The following PHC3 variants were observed in gnomAD, a reference collection of about 807,000 sequenced individuals.
PHC3 encodes polyhomeotic-like protein 3.
PHC3 carries 13 observed loss-of-function variants against 107.4 expected under a neutral mutation model. The ratio of observed to expected loss-of-function variants is 0.12; its 90% CI spans 0.08 to 0.19. PHC3 has a LOEUF of 0.19. Among genes scored for constraint, PHC3 ranks in the 10% least tolerant of loss-of-function variants. PHC3 has a pLI of 1.00. For missense variants in PHC3, 992 were observed against 1,210.9 expected, an observed-to-expected ratio of 0.82 and a Z score of 2.68; for synonymous variants, 456 against 427.4, an observed-to-expected ratio of 1.07 and a Z score of -0.83.
At chr3:170,142,578 G>A (rs1281177097) in intron 6 of PHC3, among the ~76,000 whole-genome samples, 1 of 152,100 alleles carries the variant, frequency 6.6e-6, no homozygotes, top group Admixed American at 6.6e-5. Flanking sequence ...TTGGCAACTT[G>A]TCCAAGTCAT....
intron 2 of PHC3, among the ~76,000 whole-genome samples, chr3:170,173,355 A>C (rs536567668): frequency 2.0e-5 from 3 of 152,340 alleles, no homozygotes; most frequent in East Asian, 1.9e-4. Flanking sequence ...ATTTAAAAGA[A>C]TACTACTACT....
Position 170,127,234 on chromosome 3 carries a change from T to G in PHC3, c.1788+1450A>C, listed in dbSNP as rs145176513. Among the ~76,000 whole-genome samples, 1,356 of 152,340 alleles carry G rather than the reference T, an allele frequency of 8.9e-3. 17 individuals carry two copies. Among genetic ancestry groups the G allele is most frequent in the African/African-American group, 0.03 (1,260 of 41,580 alleles). On this transcript the variant is annotated intron_variant, in intron 8 of 14. Transcript: ENST00000495893. ...TCGCTCAGTTGCCCAGGCCGCAATC[T>G]CGGCCCACTGCACCCTCCACCTCCC...
chr3:170,104,193 A>T (rs1247684482), intron 12 of PHC3, among the ~76,000 whole-genome samples: 5 of 152,200 alleles, frequency 3.3e-5, no homozygotes, highest in East Asian at 1.9e-4. Flanking sequence ...TTCATGTATC[A>T]TGAAATATTA....
intron 4 of PHC3, among the ~76,000 whole-genome samples, chr3:170,165,433 A>G (rs964033959): frequency 6.6e-6 from 1 of 152,160 alleles, no homozygotes; most frequent in Non-Finnish European, 1.5e-5. Flanking sequence ...ATAGAAGCCA[A>G]TACCCAGATA....
rs142989652 is a variant in PHC3, at chr3:170,176,513, G to A, written c.180+2260C>T. Among the ~76,000 whole-genome samples the A allele has an allele frequency of 2.3e-3, 346 of 152,296 alleles. 1 individual carries two copies. The highest frequency in any genetic ancestry group is 7.7e-3 in the African/African-American group (322 of 41,554). The stretch of plus-strand genomic sequence containing the variant: ...TAAGGATTCTACCAGAAGAAAGCAG[G>A]TATAATAGAAAAAATAAGAATTCAC... On this transcript the variant is annotated intron_variant, in intron 2 of 14. Transcript: ENST00000495893.
chr3:170,099,329 T>C (rs1244686978), intron 14 of PHC3, among the ~76,000 whole-genome samples: 1 of 152,114 alleles, frequency 6.6e-6, no homozygotes, highest in African/African-American at 2.4e-5. Flanking sequence ...AGATCACAAC[T>C]TTCTTAAGCT....
chr3:170,175,012 T>TCAG (rs1577281156), intron 2 of PHC3, among the ~76,000 whole-genome samples: 2 of 152,346 alleles, frequency 1.3e-5, no homozygotes, highest in East Asian at 3.9e-4. Context: ...TTTTCTGTTG[T>TCAG]CAGCACAGTC....
intron 7 of PHC3, among the ~76,000 whole-genome samples, chr3:170,134,741 G>A (rs759114733): frequency 5.3e-5 from 8 of 152,042 alleles, no homozygotes; most frequent in Non-Finnish European, 7.4e-5. Context: ...ATCCAAAAAG[G>A]GATTAAAGAG....
intron 8 of PHC3, chr3:170,126,064 A>C (rs1346251463): frequency 2.1e-5 from 13 of 621,834 alleles, no homozygotes; most frequent in Non-Finnish European, 2.6e-5. Flanking sequence ...ACTTATATCC[A>C]AATGTCAACA....
chr3:170,138,157 T>C (rs1016165304), intron 6 of PHC3, among the ~76,000 whole-genome samples: 8 of 152,064 alleles, frequency 5.3e-5, no homozygotes, highest in Non-Finnish European at 1.2e-4. Flanking sequence ...ATTGCGCCAT[T>C]GCCCACAAGT....
intron 11 of PHC3, among the ~76,000 whole-genome samples, chr3:170,111,158 T>C (rs1370996746): frequency 1.3e-5 from 2 of 152,108 alleles, no homozygotes; most frequent in Non-Finnish European, 2.9e-5. Context: ...CAAAGAATTA[T>C]TATTTTGCTA....
chr3:170,131,622 TA>T (rs1722277011), intron 7 of PHC3, among the ~76,000 whole-genome samples: 1 of 152,128 alleles, frequency 6.6e-6, no homozygotes, highest in African/African-American at 2.4e-5. Context: ...TCACCTGAGG[TA>T]AGGAGTTCAA....
chr3:170,179,055 A>G, intron 1 of PHC3, 117 bp from the exon 2 acceptor site: 1 of 945,270 alleles, frequency 1.1e-6, no homozygotes, highest in South Asian at 1.6e-5. Flanking sequence ...GGCTCTCATA[A>G]AAGACAGCCA....
chr3:170,155,618 C>T (rs6799087), intron 4 of PHC3, among the ~76,000 whole-genome samples: 7 of 151,768 alleles, frequency 4.6e-5, no homozygotes, highest in African/African-American at 1.7e-4. Flanking sequence ...GCTACTCAGG[C>T]GGCTGAGCTG....
In PHC3 at chr3:170,149,161, T is replaced by C. The variant is rs1435828645; in HGVS notation, c.498A>G (p.Gln166=). The C allele has an allele frequency of 6.2e-7, 1 of 1,613,138 alleles. No individual in the cohort carries two copies. The highest frequency in any genetic ancestry group is 8.5e-7 in the Non-Finnish European group (1 of 1,179,698). Residue 166 remains glutamine (Q), a synonymous_variant, in exon 5 of 15, where the codon CAA becomes CAG. Transcript: ENST00000495893. The stretch of plus-strand genomic sequence containing the variant: ...AAGTACTCCCTAGTAACATAGTCTG[T>C]TGGGTAATACTGCCGCTGGTAGAAC... The part of the protein sequence containing the change: ...ASSSTSGSIT[Q]QTMLLGSTSP...
chr3:170,146,031 A>G (rs1475337705), intron 5 of PHC3, among the ~76,000 whole-genome samples: 1 of 152,236 alleles, frequency 6.6e-6, no homozygotes, highest in Non-Finnish European at 1.5e-5. Flanking sequence ...CAAAGGATCT[A>G]AAGGACAAAT....
chr3:170,162,373 C>T (rs1213120538), intron 4 of PHC3, among the ~76,000 whole-genome samples: 3 of 152,178 alleles, frequency 2.0e-5, no homozygotes, highest in South Asian at 4.1e-4. Context: ...AATCAAACTC[C>T]TAATTTTCTT....
intron 10 of PHC3, among the ~76,000 whole-genome samples, chr3:170,116,825 C>T (rs555528857): frequency 6.6e-6 from 1 of 151,824 alleles, no homozygotes; most frequent in Non-Finnish European, 1.5e-5. Context: ...GTAGAAGAAT[C>T]AACTGAGCCC....
rs1394940932 is a variant in PHC3 at position 170,095,652 on chromosome 3, T to C, written c.*1578A>G. On this transcript the variant is annotated 3_prime_UTR_variant, in exon 15 of 15. Transcript: ENST00000495893. The stretch of plus-strand genomic sequence containing the variant: ...TCGACTTCTGCCAAATATCTGTGTA[T>C]GTTCCTTCAATTACTAAAATATCTC... 1 of 152,078 alleles carries C rather than the reference T, an allele frequency of 6.6e-6. No homozygotes were observed. Among genetic ancestry groups the C allele is most frequent in the South Asian group, 2.1e-4 (1 of 4,834 alleles). The allele number at this position is 152,078 out of a possible 1,614,324, so 9.4% of individuals were successfully genotyped here.
Sources: allele counts gnomAD v4.1 joint callset (sites outside exome capture counted in the v4.1 genomes callset), GRCh38; gene constraint gnomAD v4.1.1; transcripts MANE v1.5; gene names NCBI Gene and HGNC (gene_info 2026-07-23, HGNC 2026-07-21).